Variants in AXDND1 observed in about 807,000 individuals in gnomAD.
AXDND1 encodes the protein axonemal dynein light chain domain containing 1, also known as axonemal dynein light chain domain-containing protein 1.
A neutral mutation model predicts 137.5 loss-of-function variants in AXDND1; 110 were observed. The ratio of observed to expected loss-of-function variants is 0.80; its 90% CI spans 0.69 to 0.94. The LOEUF is 0.94. Ranked by LOEUF, AXDND1 falls within the 40% of genes least tolerant of loss-of-function variation. The probability of loss-of-function intolerance (pLI) is 0.00; values close to 1 mark genes in which losing one functional copy is unlikely to be tolerated. For missense variants in AXDND1, 1,191 were observed against 1,169.8 expected, an observed-to-expected ratio of 1.02 and a Z score of -0.26; for synonymous variants, 414 against 399.7, an observed-to-expected ratio of 1.04 and a Z score of -0.43.
At chr1:179,496,217 G>A (rs1004519291) in intron 20 of AXDND1, among the ~76,000 whole-genome samples, 3 of 151,730 alleles carry the variant, frequency 2.0e-5, no homozygotes, top group African/African-American at 4.8e-5. Context: ...GGGTAATGCT[G>A]GCCTTTTAAA....
At chr1:179,541,074 C>T (rs574884113) in intron 25 of AXDND1, among the ~76,000 whole-genome samples, 1 of 152,326 alleles carries the variant, frequency 6.6e-6, no homozygotes, top group Non-Finnish European at 1.5e-5. Context: ...GCCCTAGCAG[C>T]AAGAATTTCA....
chr1:179,461,593 C>A (rs1662331682), intron 16 of AXDND1, among the ~76,000 whole-genome samples: 1 of 152,230 alleles, frequency 6.6e-6, no homozygotes, highest in South Asian at 2.1e-4. Flanking sequence ...TGAAGAAAGT[C>A]ATTGGTAGCT....
At chr1:179,399,660 T>A (rs1287449253) in intron 11 of AXDND1, among the ~76,000 whole-genome samples, 1 of 151,950 alleles carries the variant, frequency 6.6e-6, no homozygotes, top group East Asian at 1.9e-4. Flanking sequence ...TGGGAGAAAA[T>A]CTTCACAATC....
At chr1:179,537,385 G>A (rs1405735048) in intron 25 of AXDND1, among the ~76,000 whole-genome samples, 2 of 152,126 alleles carry the variant, frequency 1.3e-5, no homozygotes, top group Non-Finnish European at 2.9e-5. Context: ...TCATCACCTA[G>A]TTTATTGAGA....
At chr1:179,517,263 T>A (rs1669633843) in intron 21 of AXDND1, among the ~76,000 whole-genome samples, 1 of 152,258 alleles carries the variant, frequency 6.6e-6, no homozygotes, top group African/African-American at 2.4e-5. Flanking sequence ...TCACCTGGTC[T>A]CCACACAATC....
chr1:179,457,142 G>T, intron 16 of AXDND1: 2 of 889,106 alleles, frequency 2.2e-6, no homozygotes, highest in Non-Finnish European at 3.7e-6. Context: ...CACCTTCTCC[G>T]CAGTGGCATG....
chr1:179,392,519 G>A (rs536287514), intron 9 of AXDND1, among the ~76,000 whole-genome samples: 69 of 152,302 alleles, frequency 4.5e-4, no homozygotes, highest in African/African-American at 1.5e-3. Flanking sequence ...TTGAATGGTA[G>A]TTCTACTTTT....
intron 4 of AXDND1, among the ~76,000 whole-genome samples, chr1:179,375,535 G>A (rs1379559993): frequency 6.6e-6 from 1 of 150,388 alleles, no homozygotes; most frequent in Non-Finnish European, 1.5e-5. Context: ...CATTATATAT[G>A]TATATACAGG....
At chr1:179,393,845 G>A in intron 9 of AXDND1, 58 bp from the exon 10 acceptor site, 1 of 1,467,828 alleles carries the variant, frequency 6.8e-7, no homozygotes, top group Non-Finnish European at 9.1e-7. Flanking sequence ...TTTGTAACCT[G>A]AGAATTTACT....
intron 9 of AXDND1, among the ~76,000 whole-genome samples, chr1:179,391,111 C>CTTT (rs11284261): frequency 7.8e-6 from 1 of 127,886 alleles, no homozygotes. Flanking sequence ...CAGACTTCTT[C>CTTT]TTTTTTTTTT....
intron 17 of AXDND1, 44 bp from the exon 18 acceptor site, chr1:179,483,084 T>C (rs1424812750): frequency 3.7e-6 from 5 of 1,336,858 alleles, no homozygotes; most frequent in Non-Finnish European, 5.3e-6. Context: ...CATTTATCCT[T>C]TAAATCAGCC....
chr1:179,451,672 C>T (rs1660570588), intron 16 of AXDND1: 1 of 152,204 alleles, frequency 6.6e-6, no homozygotes, highest in East Asian at 1.9e-4. Flanking sequence ...ATGCTGTTCT[C>T]ATGATAGTGA....
chr1:179,480,142 G>A (rs557057834), intron 17 of AXDND1, among the ~76,000 whole-genome samples: 1 of 152,264 alleles, frequency 6.6e-6, no homozygotes, highest in Admixed American at 6.5e-5. Context: ...TATATTTACA[G>A]TAGCTCCCCA....
chr1:179,424,585 G>A (rs1457339560), intron 12 of AXDND1, among the ~76,000 whole-genome samples: 2 of 151,768 alleles, frequency 1.3e-5, no homozygotes, highest in African/African-American at 4.8e-5. Flanking sequence ...GTGCCACCAG[G>A]CCTGGCTAAT....
intron 15 of AXDND1, among the ~76,000 whole-genome samples, chr1:179,434,345 C>T (rs540408292): frequency 6.6e-6 from 1 of 152,208 alleles, no homozygotes; most frequent in Admixed American, 6.5e-5. Flanking sequence ...CTCCTTAACT[C>T]ATTTATGAGG....
chr1:179,378,682 T>G lies in AXDND1; in HGVS notation c.420T>G (p.Thr140=). 1.3e-6 allele frequency: 2 copies of G among 1,598,970 alleles called. No homozygotes were observed. The highest frequency in any genetic ancestry group is 1.7e-6 in the Non-Finnish European group (2 of 1,170,880). ...LYDVTYAKGQ[T]REKAVCPPHL... ...ATGTAACATATGCCAAAGGACAGACTAGGGAGAAGGCAGTTTGTCCCCCAC... is the reference window on the plus strand; with the variant it reads ...ATGTAACATATGCCAAAGGACAGACGAGGGAGAAGGCAGTTTGTCCCCCAC... The change falls in exon 5 of 26, where the codon ACT becomes ACG. Residue 140 remains threonine (T), a synonymous_variant. Transcript: ENST00000367618.
At chr1:179,535,020 C>T in intron 25 of AXDND1, 58 bp downstream of exon 25, 1 of 1,602,666 alleles carries the variant, frequency 6.2e-7, no homozygotes, top group Admixed American at 1.7e-5. Flanking sequence ...GAAAATTTGA[C>T]TGGGCCACAA....
chr1:179,488,910 T>G (rs1344514471), intron 18 of AXDND1, among the ~76,000 whole-genome samples: 1 of 145,576 alleles, frequency 6.9e-6, no homozygotes, highest in Non-Finnish European at 1.5e-5. Flanking sequence ...AATTTTTGTA[T>G]TTTTAGTAGA....
At chr1:179,478,042 T>G (rs1392115528) in intron 17 of AXDND1, among the ~76,000 whole-genome samples, 1 of 152,158 alleles carries the variant, frequency 6.6e-6, no homozygotes, top group East Asian at 1.9e-4. Flanking sequence ...TCATGCTCAT[T>G]CAAGAGGTGG....
Sources: gnomAD v4.1 joint callset for allele counts (sites outside exome capture counted in the v4.1 genomes callset) on GRCh38, gnomAD v4.1.1 for gene constraint, MANE v1.5 for transcripts, NCBI Gene and HGNC (gene_info 2026-07-23, HGNC 2026-07-21) for gene names.